The following CNBD1 variants were observed in gnomAD, a reference collection of about 807,000 sequenced individuals.
CNBD1 encodes the protein cyclic nucleotide binding domain containing 1.
Under a neutral mutation model 54.4 loss-of-function variants are expected in CNBD1, and 71 were observed. That is an observed-to-expected ratio of 1.30 (90% confidence interval 1.08 to 1.59). The LOEUF (loss-of-function observed/expected upper bound fraction) is 1.59. CNBD1 is among the 40% of genes most tolerant of loss of function. CNBD1 has a pLI of 0.00. For synonymous variants in CNBD1, 182 were observed against 170.7 expected (o/e 1.07, Z -0.51); for missense variants, 659 against 518.0 (o/e 1.27, Z -2.64).
intron 2 of CNBD1, among the ~76,000 whole-genome samples, chr8:87,406,055 T>C (rs1468620646): frequency 6.6e-6 from 1 of 152,124 alleles, no homozygotes; most frequent in Non-Finnish European, 1.5e-5. Flanking sequence ...CTTAAATATT[T>C]ATCAACCTAA....
intron 3 of CNBD1, 28 bp from the exon 4 acceptor site, chr8:86,939,568 G>A (rs776210008): frequency 1.0e-5 from 16 of 1,526,262 alleles, no homozygotes; most frequent in Non-Finnish European, 1.4e-5. Flanking sequence ...GTATACAACA[G>A]CATAAAATAC....
chr8:87,203,046 C>T (rs927130165), intron 4 of CNBD1, among the ~76,000 whole-genome samples: 17 of 152,290 alleles, frequency 1.1e-4, no homozygotes, highest in Non-Finnish European at 1.9e-4. Flanking sequence ...CTGAACCCTG[C>T]CACTTAGTTC....
chr8:87,368,224 G>A (rs1004519531), intron 10 of CNBD1, among the ~76,000 whole-genome samples: 2 of 147,714 alleles, frequency 1.4e-5, no homozygotes, highest in Non-Finnish European at 3.0e-5. Context: ...TGGGTGATTT[G>A]GGAAGTAGCC....
chr8:86,876,071 T>C (rs1172672836), intron 1 of CNBD1, among the ~76,000 whole-genome samples: 1 of 152,184 alleles, frequency 6.6e-6, no homozygotes, highest in Admixed American at 6.5e-5. Flanking sequence ...TCAAATAAAT[T>C]TGAAAGCTTT....
chr8:87,337,453 C>G (rs1477697199), intron 8 of CNBD1, among the ~76,000 whole-genome samples: 1 of 152,186 alleles, frequency 6.6e-6, no homozygotes, highest in Non-Finnish European at 1.5e-5. Flanking sequence ...GCTGCCACCC[C>G]TCCCCCAAGG....
At chr8:87,180,585 T>A (rs955914453) in intron 4 of CNBD1, among the ~76,000 whole-genome samples, 5 of 152,176 alleles carry the variant, frequency 3.3e-5, no homozygotes, top group Admixed American at 1.3e-4. Context: ...AATTTACATA[T>A]TTTTGTTATA....
At chr8:87,162,702 C>A (rs1812882587) in intron 4 of CNBD1, among the ~76,000 whole-genome samples, 1 of 152,104 alleles carries the variant, frequency 6.6e-6, no homozygotes, top group Non-Finnish European at 1.5e-5. Context: ...AAGGCCTGAT[C>A]TCTCTGCTCC....
intron 4 of CNBD1, among the ~76,000 whole-genome samples, chr8:86,947,416 T>C (rs1427522046): frequency 6.6e-6 from 1 of 152,068 alleles, no homozygotes; most frequent in Non-Finnish European, 1.5e-5. Context: ...GCCACTAAAT[T>C]GGGCTCATTG....
At chr8:87,041,199 A>G (rs1023542563) in intron 4 of CNBD1, among the ~76,000 whole-genome samples, 1 of 152,178 alleles carries the variant, frequency 6.6e-6, no homozygotes, top group Non-Finnish European at 1.5e-5. Flanking sequence ...ATAAAGAAAG[A>G]TAAACGGTTA....
intron 6 of CNBD1, among the ~76,000 whole-genome samples, chr8:87,269,221 T>C (rs887192822): frequency 6.6e-6 from 1 of 151,980 alleles, no homozygotes; most frequent in African/African-American, 2.4e-5. Flanking sequence ...CTGTTAAGGA[T>C]GGTGGCTGTA....
rs1048016591 is a variant in CNBD1, at chr8:87,361,667, A to G, written c.1303+7881A>G. On this transcript the variant is annotated intron_variant, in intron 10 of 10. Coordinates refer to ENST00000518476, the MANE Select transcript of CNBD1 (RefSeq NM_173538.3). ...CCAGCAATTCCAGTTCATGGGGATC[A>G]TTCCAACAAAATAGTTGGATGAATA... is the stretch of plus-strand genomic sequence containing the variant. Among the ~76,000 whole-genome samples, 27 of 147,006 alleles carry G rather than the reference A, an allele frequency of 1.8e-4. 1 individual carries two copies. The highest frequency in any genetic ancestry group is 6.9e-4 in the African/African-American group (27 of 39,230).
At chr8:87,277,744 A>T (rs1294156681) in intron 6 of CNBD1, among the ~76,000 whole-genome samples, 1 of 151,664 alleles carries the variant, frequency 6.6e-6, no homozygotes, top group African/African-American at 2.4e-5. Context: ...ATACTAATTG[A>T]CTGTGAGAAA....
chr8:86,875,379 T>C (rs546015202), intron 1 of CNBD1, among the ~76,000 whole-genome samples: 32 of 152,162 alleles, frequency 2.1e-4, no homozygotes, highest in Non-Finnish European at 4.1e-4. Flanking sequence ...CTACTCCTGG[T>C]ATAGATGTCT....
chr8:86,982,369 T>C (rs1256326715), intron 4 of CNBD1, among the ~76,000 whole-genome samples: 1 of 152,204 alleles, frequency 6.6e-6, no homozygotes, highest in Non-Finnish European at 1.5e-5. Flanking sequence ...GCAAAAGGTT[T>C]TAATATGTCA....
intron 10 of CNBD1, among the ~76,000 whole-genome samples, chr8:87,379,270 A>T (rs992540357): frequency 1.3e-5 from 2 of 151,998 alleles, no homozygotes; most frequent in African/African-American, 4.8e-5. Flanking sequence ...AGACTCCCAC[A>T]CATTAATAAT....
At chr8:86,958,944 C>T (rs1807853977) in intron 4 of CNBD1, among the ~76,000 whole-genome samples, 1 of 152,096 alleles carries the variant, frequency 6.6e-6, no homozygotes, top group Non-Finnish European at 1.5e-5. Flanking sequence ...TTCCTAGTGT[C>T]AATGGTCTTT....
At chr8:87,065,880 T>G (rs16896791) in intron 4 of CNBD1, among the ~76,000 whole-genome samples, 3,523 of 152,022 alleles carry the variant, frequency 0.023, 134 homozygotes, top group African/African-American at 0.079. Context: ...GTCCATCTTC[T>G]TAACCTATAT....
intron 8 of CNBD1, among the ~76,000 whole-genome samples, chr8:87,341,302 T>G (rs2130919288): frequency 6.6e-6 from 1 of 152,254 alleles, no homozygotes; most frequent in Non-Finnish European, 1.5e-5. Context: ...GTCTCATCAG[T>G]GCTCTGAGAG....
intron 4 of CNBD1, among the ~76,000 whole-genome samples, chr8:87,171,975 T>G (rs1393983368): frequency 6.6e-6 from 1 of 152,132 alleles, no homozygotes; most frequent in African/African-American, 2.4e-5. Flanking sequence ...GCTATACACT[T>G]CCTTCTTGGT....
Sources: gnomAD v4.1 joint callset for allele counts (sites outside exome capture counted in the v4.1 genomes callset) on GRCh38, gnomAD v4.1.1 for gene constraint, MANE v1.5 for transcripts, NCBI Gene and HGNC (gene_info 2026-07-23, HGNC 2026-07-21) for gene names.